ARNT2: variants seen among roughly 807,000 people sequenced by gnomAD.
ARNT2 encodes ARNT protein 2.
A neutral mutation model predicts 91.7 loss-of-function variants in ARNT2; 36 were observed. That is an observed-to-expected ratio of 0.39 (90% CI 0.30 to 0.52). The LOEUF (loss-of-function observed/expected upper bound fraction) is 0.52. Ranked by LOEUF, ARNT2 falls within the 20% of genes least tolerant of loss-of-function variation. The probability of loss-of-function intolerance (pLI) is 0.72; values close to 1 mark genes in which losing one functional copy is unlikely to be tolerated. For synonymous variants in ARNT2, 365 were observed against 347.1 expected, an observed-to-expected ratio of 1.05 and a Z score of -0.57; for missense variants, 775 against 939.3, an observed-to-expected ratio of 0.83 and a Z score of 2.29.
chr15:80,479,176 C>T (rs1896850094), intron 5 of ARNT2, among the ~76,000 whole-genome samples: 1 of 152,210 alleles, frequency 6.6e-6, no homozygotes, highest in Admixed American at 6.5e-5. Context: ...GACAAGAAAC[C>T]TGACTTCACT....
intron 5 of ARNT2, among the ~76,000 whole-genome samples, chr15:80,496,339 A>C (rs1897126028): frequency 6.6e-6 from 1 of 152,158 alleles, no homozygotes; most frequent in Non-Finnish European, 1.5e-5. Flanking sequence ...TCTTGTGTGA[A>C]ATGGGAGAAC....
At chr15:80,433,841 C>T (rs945926267) in intron 1 of ARNT2, 1 of 152,140 alleles carries the variant, frequency 6.6e-6, no homozygotes, top group African/African-American at 2.4e-5. Flanking sequence ...AAAGTATGGA[C>T]AGCCGTGTAG....
intron 1 of ARNT2, among the ~76,000 whole-genome samples, chr15:80,425,639 T>TG (rs1048371638): frequency 3.9e-5 from 6 of 152,204 alleles, no homozygotes; most frequent in African/African-American, 1.4e-4. Context: ...CATACATATG[T>TG]GTGTGCCATG....
chr15:80,542,730 AGC>A (rs754987893), intron 8 of ARNT2, among the ~76,000 whole-genome samples: 1 of 152,184 alleles, frequency 6.6e-6, no homozygotes. Flanking sequence ...CTCAAGTTTT[AGC>A]CAGTCAGACC....
At chr15:80,579,832 A>G (rs982285767) in intron 15 of ARNT2, among the ~76,000 whole-genome samples, 2 of 152,232 alleles carry the variant, frequency 1.3e-5, no homozygotes, top group Non-Finnish European at 2.9e-5. Flanking sequence ...GGGGCCTAAT[A>G]AAGACAAACT....
intron 1 of ARNT2, among the ~76,000 whole-genome samples, chr15:80,406,786 T>C (rs561666651): frequency 1.4e-4 from 21 of 152,318 alleles, no homozygotes; most frequent in African/African-American, 4.3e-4. Flanking sequence ...AGCATGGTGA[T>C]AATTTCTCAA....
At chr15:80,557,544 A>C (rs1196601502) in intron 11 of ARNT2, among the ~76,000 whole-genome samples, 2 of 152,112 alleles carry the variant, frequency 1.3e-5, no homozygotes, top group Non-Finnish European at 2.9e-5. Context: ...TCTGCACAAC[A>C]AACCCCTGGG....
At chr15:80,453,818 G>C (rs1896441142) in intron 2 of ARNT2, among the ~76,000 whole-genome samples, 1 of 152,172 alleles carries the variant, frequency 6.6e-6, no homozygotes, top group Admixed American at 6.5e-5. Flanking sequence ...AATGGGGGTG[G>C]TGGAAGGGGG....
intron 8 of ARNT2, among the ~76,000 whole-genome samples, chr15:80,515,897 G>A (rs1243349058): frequency 6.9e-6 from 1 of 145,580 alleles, no homozygotes; most frequent in African/African-American, 2.5e-5. Context: ...TTGAGACGGA[G>A]TTTCACTCAT....
intron 8 of ARNT2, among the ~76,000 whole-genome samples, chr15:80,543,545 A>G (rs1475418462): frequency 1.3e-5 from 2 of 152,148 alleles, no homozygotes; most frequent in African/African-American, 4.8e-5. Flanking sequence ...ATGTTTTTCC[A>G]TGTTCCTTCC....
intron 8 of ARNT2, among the ~76,000 whole-genome samples, chr15:80,524,868 C>CT (rs1286009088): frequency 1.4e-5 from 2 of 146,674 alleles, no homozygotes; most frequent in East Asian, 3.9e-4. Context: ...GAGCCAGACT[C>CT]TGTCTCAAAA....
intron 5 of ARNT2, among the ~76,000 whole-genome samples, chr15:80,482,083 AT>A (rs1256884328): frequency 1.3e-5 from 2 of 151,938 alleles, no homozygotes; most frequent in South Asian, 4.2e-4. Context: ...TAATTTTTTA[AT>A]TTTTTTGTAG....
intron 4 of ARNT2, 40 bp from the exon 5 acceptor site, chr15:80,474,970 C>T (rs1327367690): frequency 1.3e-6 from 2 of 1,595,042 alleles, no homozygotes; most frequent in South Asian, 2.2e-5. Flanking sequence ...CATCCTGGGT[C>T]TGTCAGTGTA....
chr15:80,509,864 G>A (rs1472938312), intron 6 of ARNT2, among the ~76,000 whole-genome samples: 2 of 152,154 alleles, frequency 1.3e-5, no homozygotes, highest in Non-Finnish European at 2.9e-5. Flanking sequence ...AATGGGGTAC[G>A]GTGCAGGAGG....
intron 12 of ARNT2, among the ~76,000 whole-genome samples, chr15:80,571,183 G>T (rs918778444): frequency 1.4e-4 from 21 of 152,172 alleles, no homozygotes; most frequent in Admixed American, 4.6e-4. Context: ...ATTTCTGTCT[G>T]CAAATGGATC....
At chr15:80,585,709 C>T (rs529578428) in intron 17 of ARNT2, among the ~76,000 whole-genome samples, 4 of 152,278 alleles carry the variant, frequency 2.6e-5, no homozygotes, top group Admixed American at 2.6e-4. Flanking sequence ...CACCAGGTGG[C>T]CAAGAATTTC....
In ARNT2 at chr15:80,530,563, G is replaced by A. The variant is rs547415669; in HGVS notation, c.877+16158G>A. On this transcript the variant is annotated intron_variant, in intron 8 of 18. Transcript: ENST00000303329. ...GAACCATATATTTCAAAGTTTTCTC[G>A]CCATTGCCATCCTTCCCTGGTTGCC... 6.9e-4 allele frequency among the ~76,000 whole-genome samples: 105 copies of A among 152,058 alleles called. 3 individuals are homozygous for A. In the South Asian group the frequency reaches 0.019, roughly 28 times the overall value.
At chr15:80,417,764 C>T (rs1895807761) in intron 1 of ARNT2, among the ~76,000 whole-genome samples, 1 of 152,058 alleles carries the variant, frequency 6.6e-6, no homozygotes, top group Non-Finnish European at 1.5e-5. Flanking sequence ...ACAGTATAGA[C>T]ATTGAATGCA....
intron 14 of ARNT2, among the ~76,000 whole-genome samples, chr15:80,576,030 GC>G (rs1898667581): frequency 6.6e-6 from 1 of 152,198 alleles, no homozygotes; most frequent in African/African-American, 2.4e-5. Flanking sequence ...TGCCACTACA[GC>G]CTTCTGAGGA....
Sources: gnomAD v4.1 joint callset for allele counts (sites outside exome capture counted in the v4.1 genomes callset) on GRCh38, gnomAD v4.1.1 for gene constraint, MANE v1.5 for transcripts, NCBI Gene and HGNC (gene_info 2026-07-23, HGNC 2026-07-21) for gene names.